Variants in CAMK4 observed in about 807,000 individuals in gnomAD.
The protein encoded by CAMK4 is calcium/calmodulin dependent protein kinase IV, also known as calcium/calmodulin-dependent protein kinase type IV.
Under a neutral mutation model 44.9 loss-of-function variants are expected in CAMK4, and 22 were observed. The ratio of observed to expected loss-of-function variants is 0.49; its 90% CI spans 0.35 to 0.70. The LOEUF (loss-of-function observed/expected upper bound fraction) is 0.70, where lower values mean the gene tolerates loss of function less well. Ranked by LOEUF, CAMK4 falls within the 30% of genes least tolerant of loss-of-function variation. The pLI is 0.01. For missense variants in CAMK4, 498 were observed against 586.8 expected, an observed-to-expected ratio of 0.85 and a Z score of 1.56; for synonymous variants, 218 against 215.4, an observed-to-expected ratio of 1.01 and a Z score of -0.11.
chr5:111,398,444 C>T (rs1172747252), intron 5 of CAMK4, among the ~76,000 whole-genome samples: 1 of 152,130 alleles, frequency 6.6e-6, no homozygotes, highest in Non-Finnish European at 1.5e-5. Context: ...ATACCTTTTT[C>T]TACTATCTGT....
intron 1 of CAMK4, among the ~76,000 whole-genome samples, chr5:111,340,048 A>G (rs1268906010): frequency 4.0e-5 from 6 of 151,128 alleles, no homozygotes; most frequent in African/African-American, 7.3e-5. Context: ...GAGAAACCCA[A>G]CTGATTTTTT....
intron 1 of CAMK4, among the ~76,000 whole-genome samples, chr5:111,338,889 G>A (rs1348490006): frequency 1.3e-5 from 2 of 151,456 alleles, no homozygotes; most frequent in Non-Finnish European, 3.0e-5. Flanking sequence ...TTGAAGTCCA[G>A]TAATGTGATG....
intron 7 of CAMK4, among the ~76,000 whole-genome samples, chr5:111,458,377 A>G (rs1431645235): frequency 1.3e-5 from 2 of 152,180 alleles, no homozygotes; most frequent in Non-Finnish European, 2.9e-5. Flanking sequence ...GCGTCTTTGG[A>G]GTCTTTATAT....
intron 1 of CAMK4, among the ~76,000 whole-genome samples, chr5:111,271,928 C>A (rs1045950315): frequency 3.9e-5 from 6 of 152,050 alleles, no homozygotes; most frequent in African/African-American, 1.4e-4. Flanking sequence ...TTGGTGTCTC[C>A]CTCCAACACT....
At chr5:111,235,672 C>T (rs1350266615) in intron 1 of CAMK4, among the ~76,000 whole-genome samples, 3 of 152,184 alleles carry the variant, frequency 2.0e-5, no homozygotes, top group Non-Finnish European at 2.9e-5. Flanking sequence ...TCCAGAAAAC[C>T]AGTGCAGTTC....
At chr5:111,259,762 A>G (rs1254929785) in intron 1 of CAMK4, among the ~76,000 whole-genome samples, 2 of 152,206 alleles carry the variant, frequency 1.3e-5, no homozygotes, top group Admixed American at 6.5e-5. Flanking sequence ...AGGACCCTTC[A>G]TATTAACAAA....
chr5:111,356,879 A>G (rs1373013373), intron 2 of CAMK4, among the ~76,000 whole-genome samples: 2 of 152,054 alleles, frequency 1.3e-5, no homozygotes, highest in African/African-American at 4.8e-5. Flanking sequence ...TCGTTTAGAT[A>G]TTTTGTTGCC....
intron 4 of CAMK4, among the ~76,000 whole-genome samples, chr5:111,393,239 A>G (rs542466888): frequency 6.6e-6 from 1 of 152,318 alleles, no homozygotes; most frequent in East Asian, 1.9e-4. Flanking sequence ...AGCATAATTG[A>G]ACATGCAACT....
intron 1 of CAMK4, among the ~76,000 whole-genome samples, chr5:111,319,860 C>T (rs75339780): frequency 0.059 from 8,954 of 151,978 alleles, 359 homozygotes; most frequent in African/African-American, 0.1. Context: ...ACTGTCTAAA[C>T]ATTTTGTATG....
intron 1 of CAMK4, among the ~76,000 whole-genome samples, chr5:111,314,115 G>A (rs1748323590): frequency 6.6e-6 from 1 of 152,110 alleles, no homozygotes; most frequent in Non-Finnish European, 1.5e-5. Context: ...TTAAACAGCT[G>A]TGAAATTTTG....
At chr5:111,323,512 A>G (rs1748748118) in intron 1 of CAMK4, among the ~76,000 whole-genome samples, 1 of 152,004 alleles carries the variant, frequency 6.6e-6, no homozygotes, top group Non-Finnish European at 1.5e-5. Flanking sequence ...GTCAAGGAGC[A>G]TTTGCATACA....
chr5:111,372,539 C>T lies in CAMK4; in HGVS notation c.241-2311C>T, dbSNP rs1052322403. 2.6e-5 allele frequency among the ~76,000 whole-genome samples: 4 copies of T among 152,214 alleles called. No homozygotes were observed. In the South Asian group the frequency reaches 6.2e-4, roughly 24 times the overall value. The stretch of plus-strand genomic sequence containing the variant: ...AGACATAGACAAAGACACAAACGTG[C>T]ACAGGGGAGAGAGAGATTATCTGAG... On this transcript the variant is annotated intron_variant, in intron 2 of 10. Transcript: ENST00000282356.
At chr5:111,375,074 G>C (rs1490377149) in intron 3 of CAMK4, among the ~76,000 whole-genome samples, 162 bp downstream of exon 3, 1 of 152,106 alleles carries the variant, frequency 6.6e-6, no homozygotes, top group African/African-American at 2.4e-5. Context: ...CAATCCTTTG[G>C]CTGAATAAGT....
chr5:111,449,382 AGG>A (rs1754150403), intron 7 of CAMK4, among the ~76,000 whole-genome samples, 179 bp downstream of exon 7: 1 of 152,158 alleles, frequency 6.6e-6, no homozygotes, highest in African/African-American at 2.4e-5. Context: ...TTTCTATGAG[AGG>A]TTCAAGGATG....
At chr5:111,358,898 G>A (rs1038139234) in intron 2 of CAMK4, among the ~76,000 whole-genome samples, 1 of 152,028 alleles carries the variant, frequency 6.6e-6, no homozygotes, top group African/African-American at 2.4e-5. Context: ...TTCCTGCAAA[G>A]GACATTATCT....
intron 1 of CAMK4, among the ~76,000 whole-genome samples, chr5:111,251,504 T>C (rs1280425023): frequency 6.6e-6 from 1 of 152,316 alleles, no homozygotes; most frequent in East Asian, 1.9e-4. Context: ...GTGTTTACCA[T>C]GTTCACTGCA....
chr5:111,423,230 AG>A (rs927721581), intron 5 of CAMK4, among the ~76,000 whole-genome samples: 58 of 152,236 alleles, frequency 3.8e-4, no homozygotes, highest in African/African-American at 1.3e-3. Flanking sequence ...CTAACTCTGC[AG>A]GAGAGCACTT....
In CAMK4 at chr5:111,344,427, C is replaced by CAT. The variant is rs1166773593; in HGVS notation, c.240+326_240+327insTA. On this transcript the variant is annotated intron_variant, in intron 2 of 10. Transcript: ENST00000282356. Reference sequence around the variant, plus strand: ...ATATATATATGTATATACACACACACACACATACACACACACACACTATAT... The same window carrying CAT: ...ATATATATATGTATATACACACACACATACACATACACACACACACACTATAT... Among the ~76,000 whole-genome samples, 21 of 49,824 alleles carry CAT rather than the reference C, an allele frequency of 4.2e-4. No individual in the cohort carries two copies. The Admixed American group carries it at 5.0e-3, about 12-fold the overall frequency. The allele number at this position is 49,824 out of a possible 152,430, so 32.7% of individuals were successfully genotyped here.
intron 9 of CAMK4, among the ~76,000 whole-genome samples, chr5:111,479,475 C>T (rs1755357767): frequency 6.6e-6 from 1 of 152,114 alleles, no homozygotes; most frequent in East Asian, 1.9e-4. Context: ...AGAACAACCA[C>T]ACAGACATAA....
Sources: allele counts gnomAD v4.1 joint callset (sites outside exome capture counted in the v4.1 genomes callset), GRCh38; gene constraint gnomAD v4.1.1; transcripts MANE v1.5; gene names NCBI Gene and HGNC (gene_info 2026-07-23, HGNC 2026-07-21).